SEMA3D: variants seen among roughly 807,000 people sequenced by gnomAD.
The protein encoded by SEMA3D is semaphorin-3D.
A neutral mutation model predicts 100.1 loss-of-function variants in SEMA3D; 84 were observed. The observed-to-expected ratio is 0.84, with a 90% confidence interval of 0.70 to 1.01. SEMA3D has a LOEUF of 1.01. Among genes scored for constraint, SEMA3D ranks in the 50% least tolerant of loss-of-function variants. SEMA3D has a pLI of 0.00. For synonymous variants in SEMA3D, 312 were observed against 320.7 expected (o/e 0.97, Z 0.29); for missense variants, 875 against 934.1 (o/e 0.94, Z 0.82).
intron 13 of SEMA3D, among the ~76,000 whole-genome samples, chr7:85,020,848 T>C (rs1401190677): frequency 6.6e-6 from 1 of 151,592 alleles, no homozygotes; most frequent in Admixed American, 6.6e-5. Context: ...GTATTCTATC[T>C]TCAGAATCCT....
intron 8 of SEMA3D, among the ~76,000 whole-genome samples, chr7:85,058,254 T>C (rs902553525): frequency 8.5e-5 from 13 of 152,128 alleles, no homozygotes; most frequent in Non-Finnish European, 1.5e-4. Context: ...CCACATAAAG[T>C]ATTTAATTTT....
chr7:85,036,864 T>C, intron 12 of SEMA3D, 25 bp downstream of exon 12: 1 of 1,562,448 alleles, frequency 6.4e-7, no homozygotes, highest in Non-Finnish European at 8.7e-7. Context: ...AAGAAAATAA[T>C]TTGATTATTA....
chr7:85,115,860 T>G (rs1789224334), intron 3 of SEMA3D, among the ~76,000 whole-genome samples: 1 of 152,168 alleles, frequency 6.6e-6, no homozygotes, highest in Non-Finnish European at 1.5e-5. Flanking sequence ...TTCAAATGAA[T>G]GGTAAGTGCA....
rs767707636 is a variant in SEMA3D at position 84,999,489 on chromosome 7, C to T, written c.2285G>A (p.Arg762Gln). 6 of 1,613,914 alleles carry T rather than the reference C, an allele frequency of 3.7e-6. No individual in the cohort carries two copies. The East Asian group carries it at 8.9e-5, about 24-fold the overall frequency. ...HMQEMKKKRNRRHHRDLDELP... is the reference protein window; with the variant it reads ...HMQEMKKKRNQRHHRDLDELP... ...CTCATCCAGGTCTCTGTGATGTCTT[C>T]GATTTCGTTTCTTCTTCATTTCCTG... The change falls in exon 19 of 19, where the codon CGA becomes CAA. Residue 762 changes from arginine (R) to glutamine (Q), a missense_variant. Coordinates refer to ENST00000284136, the MANE Select transcript of SEMA3D (RefSeq NM_001384900.1).
At chr7:85,237,081 A>T in the SEMA3D span, among the ~76,000 whole-genome samples, 17,246 of 152,172 alleles carry the variant, frequency 0.11, 2,655 homozygotes, top group African/African-American at 0.35. Flanking sequence ...TTTCAACAGT[A>T]TTCATGCACT....
At chr7:85,146,030 G>C (rs1321600884) in intron 2 of SEMA3D, among the ~76,000 whole-genome samples, 2 of 151,976 alleles carry the variant, frequency 1.3e-5, no homozygotes, top group East Asian at 3.9e-4. Context: ...TTTTTTCCCA[G>C]ATATTTTTGA....
chr7:85,181,437 T>G (rs1168050559), intron 1 of SEMA3D, among the ~76,000 whole-genome samples: 1 of 151,262 alleles, frequency 6.6e-6, no homozygotes, highest in Non-Finnish European at 1.5e-5. Flanking sequence ...CTGGAAAAAT[T>G]TGAGTAACAA....
At chr7:85,055,897 A>G in intron 8 of SEMA3D, 38 bp from the exon 9 acceptor site, 1 of 1,214,456 alleles carries the variant, frequency 8.2e-7, no homozygotes, top group South Asian at 1.4e-5. Flanking sequence ...TAAGATACTG[A>G]AACAATCCAG....
chr7:85,196,537 G>A, the SEMA3D span, among the ~76,000 whole-genome samples: 1 of 151,990 alleles, frequency 6.6e-6, no homozygotes, highest in Non-Finnish European at 1.5e-5. Context: ...CAGAGTGAGC[G>A]AAGTTATTGT....
chr7:85,205,098 G>A, the SEMA3D span, among the ~76,000 whole-genome samples: 87 of 152,064 alleles, frequency 5.7e-4, no homozygotes, highest in African/African-American at 2.0e-3. Context: ...TTTGAGAAAT[G>A]TCTATTTAGA....
At chr7:85,142,493 G>A (rs1403890357) in intron 2 of SEMA3D, 1 of 982,876 alleles carries the variant, frequency 1.0e-6, no homozygotes, top group Non-Finnish European at 1.2e-6. Flanking sequence ...GCTCACGGTT[G>A]TCCTATTTTT....
chr7:85,246,396 C>G, the SEMA3D span, among the ~76,000 whole-genome samples: 2 of 152,012 alleles, frequency 1.3e-5, no homozygotes, highest in Admixed American at 6.6e-5. Flanking sequence ...AAGAGGCCCT[C>G]AATAACTTCA....
chr7:85,074,030 C>A (rs1485995727), intron 5 of SEMA3D, among the ~76,000 whole-genome samples: 3 of 152,176 alleles, frequency 2.0e-5, no homozygotes, highest in African/African-American at 7.2e-5. Context: ...TTCAACCTAT[C>A]TCCTGCAAGT....
chr7:85,183,749 G>T (rs919150877), intron 1 of SEMA3D, among the ~76,000 whole-genome samples: 2 of 152,134 alleles, frequency 1.3e-5, no homozygotes, highest in Non-Finnish European at 2.9e-5. Flanking sequence ...ATAGTTTCCC[G>T]ATAATTCCAA....
chr7:85,240,783 T>C, the SEMA3D span, among the ~76,000 whole-genome samples: 1 of 152,200 alleles, frequency 6.6e-6, no homozygotes, highest in Non-Finnish European at 1.5e-5. Context: ...TGCATAATTT[T>C]GCTCATAGCA....
intron 1 of SEMA3D, among the ~76,000 whole-genome samples, chr7:85,182,568 C>T (rs1249969200): frequency 2.6e-5 from 4 of 152,020 alleles, no homozygotes; most frequent in Non-Finnish European, 4.4e-5. Context: ...ATCATAACAA[C>T]AGAAAAAGTA....
the SEMA3D span, among the ~76,000 whole-genome samples, chr7:85,229,436 C>T: frequency 6.6e-6 from 1 of 151,862 alleles, no homozygotes; most frequent in African/African-American, 2.4e-5. Context: ...TCAATAAGAG[C>T]ATTTCATGAA....
At chr7:85,049,278 C>A (rs374569839) in intron 9 of SEMA3D, among the ~76,000 whole-genome samples, 1 of 151,044 alleles carries the variant, frequency 6.6e-6, no homozygotes. Flanking sequence ...CTGAAAAATA[C>A]ACCTAGTATT....
At chr7:85,133,851 AG>A (rs747158417) in intron 2 of SEMA3D, among the ~76,000 whole-genome samples, 16 of 152,128 alleles carry the variant, frequency 1.1e-4, no homozygotes, top group Middle Eastern at 3.4e-3. Flanking sequence ...TCTGGCACAT[AG>A]CTAGCTCTAA....
Sources: gnomAD v4.1 joint callset for allele counts (sites outside exome capture counted in the v4.1 genomes callset) on GRCh38, gnomAD v4.1.1 for gene constraint, MANE v1.5 for transcripts, NCBI Gene and HGNC (gene_info 2026-07-23, HGNC 2026-07-21) for gene names.